Variants in CAD observed in about 807,000 individuals in gnomAD.
The protein encoded by CAD is multifunctional protein CAD.
Under a neutral mutation model 237.2 loss-of-function variants are expected in CAD, and 81 were observed. That is an observed-to-expected ratio of 0.34 (90% CI 0.29 to 0.41). The LOEUF is 0.41. Among genes scored for constraint, CAD ranks in the 10% least tolerant of loss-of-function variants. The pLI, the probability that CAD is intolerant of heterozygous loss-of-function variation, is 1.00. For synonymous variants in CAD, 1,196 were observed against 1,162.8 expected, an observed-to-expected ratio of 1.03 and a Z score of -0.58; for missense variants, 2,181 against 2,951.7, an observed-to-expected ratio of 0.74 and a Z score of 6.05.
At chr2:27,224,923 G>C (rs755618660) in intron 10 of CAD, 47 bp downstream of exon 10, 6 of 1,612,570 alleles carry the variant, frequency 3.7e-6, no homozygotes, top group Admixed American at 3.3e-5. Flanking sequence ...GGGCAGGGGG[G>C]CCCAGTGGTC....
At position 27,238,443 on chromosome 2, in the gene CAD, A is replaced by C; in HGVS notation, c.4873A>C (p.Lys1625Gln). Residue 1625 changes from lysine to glutamine, a missense_variant, in exon 31 of 44, where the codon AAA becomes CAA. By Grantham distance (53) the Lys-to-Gln change is moderately conservative. Transcript: ENST00000264705. ...CATTGTTCCCCAGATCCTGCTAATT[A>C]AAGCTGCAAAGGCACGGGGCTTGCC... ...VARKEEILLI[K>Q]AAKARGLPVT... is the part of the protein sequence containing the mutation. 6.3e-7 allele frequency: 1 copy of C among 1,579,650 alleles called. No individual in the cohort carries two copies. Among genetic ancestry groups the C allele is most frequent in the East Asian group, 2.2e-5 (1 of 44,550 alleles).
chr2:27,235,151 TG>T lies in CAD; in HGVS notation c.3787-91del, dbSNP rs1675942550. ...GGGCAGGCTGACCCTGCCATTCAGA[TG>T]GGATCAAGCACAGGGTACTGTGTCC... On this transcript the variant is annotated intron_variant, in intron 23 of 43. Transcript: ENST00000264705. This position sits in a 1 kb window ranked among gnomAD's most constrained non-coding sequence, Gnocchi z 5.2. 1 of 1,190,386 alleles carries T rather than the reference TG, an allele frequency of 8.4e-7. No individual in the cohort carries two copies. Among genetic ancestry groups the T allele is most frequent in the Non-Finnish European group, 1.2e-6 (1 of 852,666 alleles). 73.7% of individuals were successfully genotyped at this position (1,190,386 alleles called of 1,614,324 possible).
At position 27,233,778 on chromosome 2, in the gene CAD, G is replaced by A. The variant is rs149999470; in HGVS notation, c.3369G>A (p.Val1123=). 19 of 1,613,920 alleles carry A rather than the reference G, an allele frequency of 1.2e-5. No homozygotes were observed. The African/African-American group carries it at 2.4e-4, about 20-fold the overall frequency. ...SAAAVSKEHP[V]VISKFIQEAK... Reference sequence around the variant, plus strand: ...CAGCCGTCTCCAAAGAGCATCCCGTGGTCATCTCCAAGTTCATCCAGGAGG... The same window carrying A: ...CAGCCGTCTCCAAAGAGCATCCCGTAGTCATCTCCAAGTTCATCCAGGAGG... Residue 1123 remains valine (V), a synonymous_variant, in exon 21 of 44, where the codon GTG becomes GTA. Coordinates refer to ENST00000264705, the MANE Select transcript of CAD (RefSeq NM_004341.5). The surrounding 1 kb of genome is among the most constrained non-coding windows in gnomAD (Gnocchi z 6.3).
rs917160466 is a variant in CAD at position 27,237,011 on chromosome 2, T to C, written c.4396+181T>C. On this transcript the variant is annotated intron_variant, in intron 27 of 43. Coordinates refer to ENST00000264705, the MANE Select transcript of CAD (RefSeq NM_004341.5). This position sits in a 1 kb window ranked among gnomAD's most constrained non-coding sequence, Gnocchi z 4.0. Reference sequence around the variant, plus strand: ...CCACAGTGTCCACAGTGGCCTTGTCTGAGGAATTTTTTTTTTTTTTTTTTT... The same window carrying C: ...CCACAGTGTCCACAGTGGCCTTGTCCGAGGAATTTTTTTTTTTTTTTTTTT... 2.0e-5 allele frequency among the ~76,000 whole-genome samples: 3 copies of C among 149,482 alleles called. No individual in the cohort carries two copies. The highest frequency in any genetic ancestry group is 2.9e-5 in the Non-Finnish European group (2 of 67,848).
intron 43 of CAD, 26 bp from the exon 44 acceptor site, chr2:27,243,390 C>CTTTTTTTTTTTTTT: frequency 7.3e-7 from 1 of 1,378,504 alleles, no homozygotes; most frequent in Non-Finnish European, 9.8e-7. Flanking sequence ...ATAACACTTC[C>CTTTTTTTTTTTTTT]TTTTTTTTTT....
chr2:27,226,332 C>A lies in CAD; in HGVS notation c.2031+13C>A, dbSNP rs761736014. 4 of 1,611,674 alleles carry A rather than the reference C, an allele frequency of 2.5e-6. No homozygotes were observed. Among genetic ancestry groups the A allele is most frequent in the Non-Finnish European group, 2.5e-6 (3 of 1,177,968 alleles). On this transcript the variant is annotated intron_variant, in intron 13 of 43. Coordinates refer to ENST00000264705, the MANE Select transcript of CAD (RefSeq NM_004341.5). ...TGAGTCTGAGCAGGTAAGCTCTAGGCCCTGGAACTGATAGTCTAGTTGTTA... is the reference window on the plus strand; with the variant it reads ...TGAGTCTGAGCAGGTAAGCTCTAGGACCTGGAACTGATAGTCTAGTTGTTA...
rs775275610 is a variant in CAD at position 27,231,594 on chromosome 2, C to T, written c.2400+14C>T. On this transcript the variant is annotated intron_variant, in intron 16 of 43. Transcript: ENST00000264705. ...GTCAGCGATATGGTAAGTAGCTCCC[C>T]TCCCCTGGCAATACCCCTAAAATAG... The T allele has an allele frequency of 1.3e-6, 2 of 1,525,710 alleles. No homozygotes were observed. The highest frequency in any genetic ancestry group is 1.8e-6 in the Non-Finnish European group (2 of 1,099,762). The allele number at this position is 1,525,710 out of a possible 1,614,324, so 94.5% of individuals were successfully genotyped here. A position where few individuals can be genotyped will look rare whatever the true frequency, so the allele number is the denominator to read the frequency against.
intron 16 of CAD, 40 bp downstream of exon 16, chr2:27,231,620 A>G (rs370325950): frequency 4.4e-5 from 55 of 1,238,030 alleles, no homozygotes; most frequent in Non-Finnish European, 6.1e-5. Flanking sequence ...CCTAAAATAG[A>G]CCCTGCTTCT....
Position 27,242,434 on chromosome 2 carries a change from G to A in CAD, c.6222+7G>A, listed in dbSNP as rs746413796. The A allele has an allele frequency of 1.9e-6, 3 of 1,612,572 alleles. No homozygotes were observed. Among genetic ancestry groups the A allele is most frequent in the South Asian group, 2.2e-5 (2 of 90,904 alleles). On this transcript the variant is annotated splice_region_variant and intron_variant, in intron 40 of 43. Transcript: ENST00000264705. The surrounding 1 kb of genome is among the most constrained non-coding windows in gnomAD (Gnocchi z 6.4). ...AACTGTCAATGGCATGACGGTGAGG[G>A]TGGTGGCAGGGTTTGGATCCCTGCC...
In CAD at chr2:27,222,669, C is replaced by G; in HGVS notation, c.637+9C>G. On this transcript the variant is annotated intron_variant, in intron 5 of 43. Transcript: ENST00000264705. ...TGCACTAGACAGCCAAGGTGAGTAG[C>G]TGGGGCCTGTTCAGGGCCTCAGACA... 1 of 1,611,492 alleles carries G rather than the reference C, an allele frequency of 6.2e-7. No homozygotes were observed. Among genetic ancestry groups the G allele is most frequent in the Non-Finnish European group, 8.5e-7 (1 of 1,177,964 alleles).
At chr2:27,225,290 G>A in intron 11 of CAD, 47 bp downstream of exon 11, 1 of 1,083,234 alleles carries the variant, frequency 9.2e-7, no homozygotes, top group South Asian at 1.5e-5. Context: ...GTTTTTTTTG[G>A]TAGTGTTATT....
chr2:27,234,920 C>T (rs908060672), intron 23 of CAD, among the ~76,000 whole-genome samples: 1 of 152,132 alleles, frequency 6.6e-6, no homozygotes, highest in Non-Finnish European at 1.5e-5. Flanking sequence ...ACTACATATT[C>T]GACCTGTAAA....
At chr2:27,234,457 C>A (rs1558538749) in intron 22 of CAD, 61 bp from the exon 23 acceptor site, 2 of 1,514,954 alleles carry the variant, frequency 1.3e-6, no homozygotes, top group African/African-American at 1.4e-5. Flanking sequence ...AGAGTCTAGG[C>A]CTATAGATAG....
intron 15 of CAD, among the ~76,000 whole-genome samples, chr2:27,230,473 C>T (rs965671129): frequency 2.3e-4 from 35 of 151,718 alleles, no homozygotes; most frequent in Non-Finnish European, 5.2e-4. Flanking sequence ...AATCCCGTCT[C>T]TAATTAGCCA....
In CAD at chr2:27,236,685, C is replaced by T. The variant is rs755546074; in HGVS notation, c.4315-64C>T. On this transcript the variant is annotated intron_variant, in intron 26 of 43. Transcript: ENST00000264705. This position sits in a 1 kb window ranked among gnomAD's most constrained non-coding sequence, Gnocchi z 4.1. ...TGCAGAGCCTGGTTTATGGGAAAAC[C>T]ACATCTCTCCCTACAACTCCCAGGA... The T allele has an allele frequency of 4.5e-6, 7 of 1,570,236 alleles. No homozygotes were observed. In the African/African-American group the frequency reaches 8.1e-5, roughly 18 times the overall value.
chr2:27,217,929 C>T lies in CAD; in HGVS notation c.135C>T (p.Tyr45=). 1 of 1,613,276 alleles carries T rather than the reference C, an allele frequency of 6.2e-7. No homozygotes were observed. The highest frequency in any genetic ancestry group is 8.5e-7 in the Non-Finnish European group (1 of 1,179,502). The change falls in exon 2 of 44, where the codon TAC becomes TAT. Residue 45 remains tyrosine, a synonymous_variant. Coordinates refer to ENST00000264705, the MANE Select transcript of CAD (RefSeq NM_004341.5). The part of the protein sequence containing the change: ...GYPEALTDPS[Y]KAQILVLTYP... ...CCGAGGCCCTCACTGATCCCTCCTACAAGGCACAGATCTTAGTGCTCACCT... is the reference window on the plus strand; with the variant it reads ...CCGAGGCCCTCACTGATCCCTCCTATAAGGCACAGATCTTAGTGCTCACCT...
Position 27,232,393 on chromosome 2 carries a change from A to G in CAD, c.2646-55A>G. 1 of 1,606,958 alleles carries G rather than the reference A, an allele frequency of 6.2e-7. No homozygotes were observed. Among genetic ancestry groups the G allele is most frequent in the Admixed American group, 1.7e-5 (1 of 59,722 alleles). ...CTGTGCCCTGGGGTCTCAACCCTCTATCAGTCTGTACCCTACTCTCTGGGC... is the reference window on the plus strand; with the variant it reads ...CTGTGCCCTGGGGTCTCAACCCTCTGTCAGTCTGTACCCTACTCTCTGGGC... On this transcript the variant is annotated intron_variant, in intron 17 of 43. Coordinates refer to ENST00000264705, the MANE Select transcript of CAD (RefSeq NM_004341.5). This position sits in a 1 kb window ranked among gnomAD's most constrained non-coding sequence, Gnocchi z 4.1.
At position 27,234,762 on chromosome 2, in the gene CAD, A is replaced by G. The variant is rs188136096; in HGVS notation, c.3786+77A>G. ...TCACTCACCACACAGAGTTGTCAGT[A>G]TGTAAACCAGGCACTGACTGCAAGG... On this transcript the variant is annotated intron_variant, in intron 23 of 43. Coordinates refer to ENST00000264705, the MANE Select transcript of CAD (RefSeq NM_004341.5). The G allele has an allele frequency of 4.2e-5, 59 of 1,407,196 alleles. No homozygotes were observed. In the African/African-American group the frequency reaches 6.9e-4, roughly 17 times the overall value. 87.2% of individuals were successfully genotyped at this position (1,407,196 alleles called of 1,614,324 possible).
chr2:27,233,004 C>G lies in CAD; in HGVS notation c.2893-38C>G, dbSNP rs767778523. On this transcript the variant is annotated intron_variant, in intron 18 of 43. Transcript: ENST00000264705. The surrounding 1 kb of genome is among the most constrained non-coding windows in gnomAD (Gnocchi z 6.3). ...ACGATTTTCTCCACGATTTTCCTCC[C>G]ACCTGACTGCTAAGTACCCTTCCCC... 1 of 1,348,440 alleles carries G rather than the reference C, an allele frequency of 7.4e-7. No homozygotes were observed. The allele number at this position is 1,348,440 out of a possible 1,614,324, so 83.5% of individuals were successfully genotyped here. A position where few individuals can be genotyped will look rare whatever the true frequency, so the allele number is the denominator to read the frequency against.
Sources: gnomAD v4.1 joint callset for allele counts (sites outside exome capture counted in the v4.1 genomes callset) on GRCh38, gnomAD v4.1.1 for gene constraint, Gnocchi (gnomAD v3.1) non-coding constraint, MANE v1.5 for transcripts, NCBI Gene and HGNC (gene_info 2026-07-23, HGNC 2026-07-21) for gene names.